Variants in WIPF1 observed in about 807,000 individuals in gnomAD.
WIPF1 encodes the protein WAS/WASL interacting protein family member 1, also known as WAS/WASL-interacting protein family member 1.
WIPF1 carries 13 observed loss-of-function variants against 35.4 expected under a neutral mutation model. The observed-to-expected ratio is 0.37, with a 90% CI of 0.24 to 0.58. The LOEUF is 0.58. Among genes scored for constraint, WIPF1 ranks in the 20% least tolerant of loss-of-function variants. The pLI is 0.74. For synonymous variants in WIPF1, 267 were observed against 266.3 expected, an observed-to-expected ratio of 1.00 and a Z score of -0.02; for missense variants, 591 against 667.0, an observed-to-expected ratio of 0.89 and a Z score of 1.25.
intron 1 of WIPF1, among the ~76,000 whole-genome samples, chr2:174,681,724 G>A (rs904344514): frequency 1.3e-5 from 2 of 152,246 alleles, no homozygotes; most frequent in East Asian, 1.9e-4. Flanking sequence ...CAGGGGGCAG[G>A]ACGGACACAC....
chr2:174,669,159 G>A (rs1687954015), intron 1 of WIPF1, among the ~76,000 whole-genome samples: 1 of 152,106 alleles, frequency 6.6e-6, no homozygotes. Context: ...TGACTTCTGT[G>A]GCCATGGCAA....
In WIPF1 at chr2:174,575,928, G is replaced by T. The variant is rs74563121; in HGVS notation, c.182-548C>A. On this transcript the variant is annotated intron_variant, in intron 3 of 7. Coordinates refer to ENST00000679041, the MANE Select transcript of WIPF1 (RefSeq NM_001375834.1). Reference sequence around the variant, plus strand: ...AGAAAGGAAAGAGTTAAAAAGAAAAGAAAATAAAATATCTCATAATTTCAC... The same window carrying T: ...AGAAAGGAAAGAGTTAAAAAGAAAATAAAATAAAATATCTCATAATTTCAC... 9.2e-3 allele frequency among the ~76,000 whole-genome samples: 1,392 copies of T among 152,006 alleles called. 24 individuals carry two copies. Among genetic ancestry groups the T allele is most frequent in the African/African-American group, 0.032 (1,331 of 41,440 alleles).
upstream of WIPF1, among the ~76,000 whole-genome samples, chr2:174,601,495 G>A (rs559736512): frequency 3.3e-5 from 5 of 152,190 alleles, no homozygotes; most frequent in African/African-American, 1.2e-4. Context: ...AAGGAAGGGG[G>A]GGAAATAAAA....
chr2:174,624,030 GA>G (rs369539761), intron 1 of WIPF1, among the ~76,000 whole-genome samples: 2,440 of 147,916 alleles, frequency 0.016, 32 homozygotes, highest in Middle Eastern at 0.07. Flanking sequence ...CTTAAAAAAA[GA>G]AAAAAAAAAC....
chr2:174,681,635 G>A (rs780352075), intron 1 of WIPF1, among the ~76,000 whole-genome samples: 7 of 152,162 alleles, frequency 4.6e-5, no homozygotes, highest in Non-Finnish European at 8.8e-5. Flanking sequence ...CGGGCTCTGC[G>A]GCTGCATCCG....
chr2:174,664,581 C>T (rs900266807), intron 1 of WIPF1, among the ~76,000 whole-genome samples: 4 of 152,244 alleles, frequency 2.6e-5, no homozygotes, highest in African/African-American at 9.6e-5. Context: ...AGAATGCCCT[C>T]TCTTGTGTTC....
At chr2:174,671,770 T>G (rs1205765423) in intron 1 of WIPF1, among the ~76,000 whole-genome samples, 1 of 145,328 alleles carries the variant, frequency 6.9e-6, no homozygotes, top group African/African-American at 2.8e-5. Flanking sequence ...TCCCGCCTAG[T>G]AAATTTTAGC....
At chr2:174,676,354 C>G (rs1014650580) in intron 1 of WIPF1, 2 of 106,718 alleles carry the variant, frequency 1.9e-5, no homozygotes, top group Non-Finnish European at 3.4e-5. Flanking sequence ...GGGTCTCACT[C>G]TGTTGCCCAG....
intron 1 of WIPF1, among the ~76,000 whole-genome samples, chr2:174,628,300 T>A (rs1559165839): frequency 6.6e-6 from 1 of 152,228 alleles, no homozygotes; most frequent in Non-Finnish European, 1.5e-5. Flanking sequence ...TTCTGAGGAC[T>A]GCTTAATCCA....
rs12624277 is a variant in WIPF1, at chr2:174,574,808, G to A, written c.358+396C>T. 369,203 of 689,226 alleles carry A rather than the reference G, an allele frequency of 0.54. 102,613 individuals are homozygous for A. Among genetic ancestry groups the A allele is most frequent in the East Asian group, 0.87 (32,128 of 37,072 alleles). 42.7% of individuals were successfully genotyped at this position (689,226 alleles called of 1,614,324 possible). ...ATGTGCTCCATCGTGTTTGAAAAGC[G>A]GCTCACAAGTATTTACTCTACTAGA... On this transcript the variant is annotated intron_variant, in intron 4 of 7. Transcript: ENST00000679041.
intron 1 of WIPF1, among the ~76,000 whole-genome samples, chr2:174,616,001 T>C (rs1377426906): frequency 6.6e-6 from 1 of 152,216 alleles, no homozygotes; most frequent in African/African-American, 2.4e-5. Context: ...TCACTTTGCT[T>C]GGCTAGGCTG....
chr2:174,581,700 A>G (rs978542921), intron 2 of WIPF1, among the ~76,000 whole-genome samples: 1 of 152,226 alleles, frequency 6.6e-6, no homozygotes, highest in African/African-American at 2.4e-5. Flanking sequence ...TCAGACCACA[A>G]TCTGACTGAA....
chr2:174,671,566 T>TC (rs1385548877), intron 1 of WIPF1, among the ~76,000 whole-genome samples: 1 of 152,188 alleles, frequency 6.6e-6, no homozygotes, highest in African/African-American at 2.4e-5. Context: ...TTCTCTTCTT[T>TC]CAAAAGCAAA....
chr2:174,674,921 CA>C (rs1688096709), intron 1 of WIPF1, among the ~76,000 whole-genome samples: 1 of 148,684 alleles, frequency 6.7e-6, no homozygotes, highest in African/African-American at 2.6e-5. Context: ...CACACACACA[CA>C]CACACACACA....
At chr2:174,632,040 A>G (rs1687037078) in intron 1 of WIPF1, among the ~76,000 whole-genome samples, 1 of 152,166 alleles carries the variant, frequency 6.6e-6, no homozygotes, top group Non-Finnish European at 1.5e-5. Flanking sequence ...GTTCCTCCCC[A>G]CAAAATTTAC....
rs1553529785 is a variant in WIPF1, at chr2:174,595,109, A to AAAAAATAT, written c.-39+2491_-39+2492insATATTTTT. Among the ~76,000 whole-genome samples the AAAAAATAT allele has an allele frequency of 5.9e-4, 34 of 57,726 alleles. 1 individual carries two copies. The highest frequency in any genetic ancestry group is 8.2e-4 in the South Asian group (1 of 1,224). 37.9% of individuals were successfully genotyped at this position (57,726 alleles called of 152,430 possible). The stretch of plus-strand genomic sequence containing the variant: ...TCTACAAAAAAAAAAAAAAAAAAAA[A>AAAAAATAT]ATATATATATATATATATATATATA... On this transcript the variant is annotated intron_variant, in intron 1 of 7. Transcript: ENST00000679041.
intron 1 of WIPF1, among the ~76,000 whole-genome samples, chr2:174,646,713 C>G (rs1200274351): frequency 1.3e-5 from 2 of 152,066 alleles, no homozygotes; most frequent in East Asian, 3.9e-4. Flanking sequence ...ACCTCCCAGG[C>G]TCAAGCAATC....
At position 174,567,842 on chromosome 2, in the gene WIPF1, A is replaced by T. The variant is rs1202847651; in HGVS notation, c.1342+19T>A. On this transcript the variant is annotated intron_variant, in intron 6 of 7. Coordinates refer to ENST00000679041, the MANE Select transcript of WIPF1 (RefSeq NM_001375834.1). ...TTAGTTGCTGCCCTATAGCCCAGGG[A>T]GCTGGGACCACACCTCACCTTCACA... The T allele has an allele frequency of 9.7e-6, 15 of 1,546,446 alleles. No homozygotes were observed. In the East Asian group the frequency reaches 3.2e-4, roughly 33 times the overall value.
intron 1 of WIPF1, among the ~76,000 whole-genome samples, chr2:174,661,869 C>T (rs1291652521): frequency 6.6e-6 from 1 of 152,094 alleles, no homozygotes; most frequent in Non-Finnish European, 1.5e-5. Flanking sequence ...TGTGTGGTGT[C>T]TGGGGGGGTG....
Sources: allele counts gnomAD v4.1 joint callset (sites outside exome capture counted in the v4.1 genomes callset), GRCh38; gene constraint gnomAD v4.1.1; transcripts MANE v1.5; gene names NCBI Gene and HGNC (gene_info 2026-07-23, HGNC 2026-07-21).